Variants in MANBA observed in about 807,000 individuals in gnomAD.
MANBA encodes the protein mannosidase beta.
In MANBA, 83 loss-of-function variants were observed where a neutral mutation model predicts 111.1. The observed-to-expected ratio is 0.75, with a 90% CI of 0.63 to 0.90. The LOEUF (loss-of-function observed/expected upper bound fraction) is 0.90, where lower values mean the gene tolerates loss of function less well. MANBA is among the 40% of genes least tolerant of loss of function. The pLI, the probability that MANBA is intolerant of heterozygous loss-of-function variation, is 0.00. For synonymous variants in MANBA, 370 were observed against 378.7 expected, an observed-to-expected ratio of 0.98 and a Z score of 0.27; for missense variants, 1,036 against 1,069.0, an observed-to-expected ratio of 0.97 and a Z score of 0.43.
chr4:102,694,792 G>A (rs1732634359), intron 5 of MANBA, among the ~76,000 whole-genome samples: 1 of 152,102 alleles, frequency 6.6e-6, no homozygotes, highest in Non-Finnish European at 1.5e-5. Context: ...CAGGTGCAAA[G>A]GCAATGCTGG....
chr4:102,700,327 T>G (rs1375621985), intron 5 of MANBA, among the ~76,000 whole-genome samples: 1 of 151,942 alleles, frequency 6.6e-6, no homozygotes, highest in Non-Finnish European at 1.5e-5. Flanking sequence ...ATTCATTAAT[T>G]TTTTGAAGGG....
intron 13 of MANBA, among the ~76,000 whole-genome samples, chr4:102,646,919 T>G (rs60006866): frequency 1.7e-3 from 257 of 152,114 alleles, no homozygotes; most frequent in African/African-American, 4.4e-3. Flanking sequence ...ACTGGACAGT[T>G]TTCTCAGCGA....
chr4:102,682,268 G>A (rs1164925571), intron 7 of MANBA, among the ~76,000 whole-genome samples: 1 of 151,872 alleles, frequency 6.6e-6, no homozygotes, highest in Non-Finnish European at 1.5e-5. Flanking sequence ...ACATTCAAGA[G>A]TAACCAAACA....
intron 5 of MANBA, among the ~76,000 whole-genome samples, chr4:102,707,421 A>G (rs1372229056): frequency 1.3e-5 from 2 of 152,326 alleles, no homozygotes; most frequent in South Asian, 2.1e-4. Flanking sequence ...GACCTACAAG[A>G]AATGGTTAAG....
intron 13 of MANBA, among the ~76,000 whole-genome samples, chr4:102,642,611 A>G (rs1376924736): frequency 6.6e-6 from 1 of 152,202 alleles, no homozygotes; most frequent in African/African-American, 2.4e-5. Flanking sequence ...TGTCTAAAAA[A>G]GAAGAAAAGA....
intron 12 of MANBA, among the ~76,000 whole-genome samples, chr4:102,657,229 G>GGGGGGGGGT (rs1730601082): frequency 8.4e-6 from 1 of 118,780 alleles, no homozygotes; most frequent in Admixed American, 9.1e-5. Flanking sequence ...GGGTGGGGGG[G>GGGGGGGGGT]GGGTGGGCGG....
intron 2 of MANBA, among the ~76,000 whole-genome samples, chr4:102,724,226 T>C (rs1404628872): frequency 6.6e-6 from 1 of 152,200 alleles, no homozygotes; most frequent in Non-Finnish European, 1.5e-5. Flanking sequence ...TCCAAATATA[T>C]TGACTTTTTC....
chr4:102,755,110 G>GA (rs1285592536), intron 1 of MANBA, among the ~76,000 whole-genome samples: 1 of 151,998 alleles, frequency 6.6e-6, no homozygotes, highest in Non-Finnish European at 1.5e-5. Flanking sequence ...CACAGAATTG[G>GA]AAAAAACTAC....
At chr4:102,740,490 C>T (rs898508866) in intron 1 of MANBA, among the ~76,000 whole-genome samples, 2 of 152,126 alleles carry the variant, frequency 1.3e-5, no homozygotes, top group Admixed American at 1.3e-4. Flanking sequence ...ATAGCCAAAG[C>T]AAGACTATGC....
intron 5 of MANBA, among the ~76,000 whole-genome samples, chr4:102,692,625 G>C (rs927980058): frequency 6.6e-6 from 1 of 152,068 alleles, no homozygotes; most frequent in Non-Finnish European, 1.5e-5. Context: ...CAGGGGGTTA[G>C]AGTCAGCAAA....
intron 1 of MANBA, chr4:102,751,987 G>A: frequency 1.4e-6 from 1 of 726,488 alleles, no homozygotes; most frequent in South Asian, 1.4e-5. Context: ...GTCTATAGCT[G>A]TTGATAGCTC....
chr4:102,716,475 C>T (rs949833939), intron 4 of MANBA, among the ~76,000 whole-genome samples: 3 of 152,134 alleles, frequency 2.0e-5, no homozygotes, highest in Admixed American at 1.3e-4. Context: ...CGATCTTTAG[C>T]CCCTGAAACA....
chr4:102,751,617 G>A, intron 1 of MANBA: 1 of 540,742 alleles, frequency 1.8e-6, no homozygotes, highest in South Asian at 1.4e-5. Flanking sequence ...CATGGAACTG[G>A]AGAACATGTC....
intron 5 of MANBA, among the ~76,000 whole-genome samples, chr4:102,694,314 AT>A (rs1459464609): frequency 6.6e-6 from 1 of 152,162 alleles, no homozygotes; most frequent in Non-Finnish European, 1.5e-5. Context: ...CTTCTTTCAA[AT>A]AGAGTAAACC....
rs1165590427 is a variant in MANBA, at chr4:102,752,060, CAGA to C, written c.177+8655_177+8657del. 38 of 756,264 alleles carry C rather than the reference CAGA, an allele frequency of 5.0e-5. No homozygotes were observed. The Middle Eastern group carries it at 8.9e-4, about 18-fold the overall frequency. The allele number at this position is 756,264 out of a possible 1,614,324, so 46.8% of individuals were successfully genotyped here. Reference sequence around the variant, plus strand: ...CTAAAGATCTGGTCTACAGTCCCTACAGAAGAAGAAGATGAAATGGAGGAATCC... The same window carrying C: ...CTAAAGATCTGGTCTACAGTCCCTACAGAAGAAGATGAAATGGAGGAATCC... On this transcript the variant is annotated intron_variant, in intron 1 of 16. Coordinates refer to ENST00000647097, the MANE Select transcript of MANBA (RefSeq NM_005908.4).
chr4:102,680,223 C>A (rs1731901988), intron 7 of MANBA, among the ~76,000 whole-genome samples: 1 of 152,178 alleles, frequency 6.6e-6, no homozygotes, highest in South Asian at 2.1e-4. Flanking sequence ...ACCAAAATTT[C>A]TGTGCACTTA....
At chr4:102,702,419 G>A in intron 5 of MANBA, among the ~76,000 whole-genome samples, 1 of 152,172 alleles carries the variant, frequency 6.6e-6, no homozygotes, top group Non-Finnish European at 1.5e-5. Flanking sequence ...TTCCTTTGGA[G>A]GAGGAGAGGT....
At chr4:102,639,582 T>G in intron 14 of MANBA, 131 bp downstream of exon 14, 2 of 1,276,722 alleles carry the variant, frequency 1.6e-6, no homozygotes, top group Non-Finnish European at 1.1e-6. Flanking sequence ...TAGGCAGGCT[T>G]TTTAAAGAAT....
chr4:102,730,005 T>C, intron 1 of MANBA: 1 of 847,450 alleles, frequency 1.2e-6, no homozygotes, highest in Non-Finnish European at 2.0e-6. Context: ...GCTGCTGCCC[T>C]CACCATAGCC....
Sources: gnomAD v4.1 joint callset for allele counts (sites outside exome capture counted in the v4.1 genomes callset) on GRCh38, gnomAD v4.1.1 for gene constraint, MANE v1.5 for transcripts, NCBI Gene and HGNC (gene_info 2026-07-23, HGNC 2026-07-21) for gene names.